TUSC3: variants seen among roughly 807,000 people sequenced by gnomAD.
TUSC3 encodes dolichyl-diphosphooligosaccharide--protein glycosyltransferase subunit TUSC3.
Under a neutral mutation model 44.8 loss-of-function variants are expected in TUSC3, and 45 were observed. The observed-to-expected ratio is 1.00, with a 90% CI of 0.79 to 1.29. The LOEUF is 1.29. TUSC3 is among the 50% of genes most tolerant of loss of function. The probability of loss-of-function intolerance (pLI) is 0.00; values close to 1 mark genes in which losing one functional copy is unlikely to be tolerated. For synonymous variants in TUSC3, 212 were observed against 152.9 expected (o/e 1.39, Z -2.85); for missense variants, 519 against 437.9 (o/e 1.19, Z -1.65).
chr8:15,478,286 T>G (rs1800609330), intron 1 of TUSC3, among the ~76,000 whole-genome samples: 1 of 152,140 alleles, frequency 6.6e-6, no homozygotes, highest in Non-Finnish European at 1.5e-5. Flanking sequence ...TTTATTCTTT[T>G]TTAAGTTCTG....
intron 9 of TUSC3, among the ~76,000 whole-genome samples, chr8:15,755,161 T>C (rs555875611): frequency 6.6e-6 from 1 of 152,274 alleles, no homozygotes; most frequent in African/African-American, 2.4e-5. Context: ...CTGATTGGAA[T>C]ACCCAGCCTG....
rs1225078848 is a variant in TUSC3 at position 15,757,807 on chromosome 8, T to G, written c.1045T>G (p.Ter349GlyextTer18). 17 of 1,422,610 alleles carry G rather than the reference T, an allele frequency of 1.2e-5. No individual in the cohort carries two copies. Among genetic ancestry groups the G allele is most frequent in the Non-Finnish European group, 1.7e-5 (17 of 1,005,618 alleles). The allele number at this position is 1,422,610 out of a possible 1,614,324, so 88.1% of individuals were successfully genotyped here. A position where few individuals can be genotyped will look rare whatever the true frequency, so the allele number is the denominator to read the frequency against. Residue 349 changes from the stop codon to glycine (G), a stop_lost, in exon 10 of 11, where the codon TGA (stop) becomes GGA (glycine). Coordinates refer to ENST00000503731, the MANE Select transcript of TUSC3 (RefSeq NM_006765.4). ...GYPYSDLDFE[*>G] ...ATTGGAAAGTGATCTGGACTTTGAG[T>G]GAGAAGATGTGATTTGGACCATGGC...
chr8:15,540,131 T>C, upstream of TUSC3: 1 of 373,874 alleles, frequency 2.7e-6, no homozygotes. Context: ...TCCTCAGCGC[T>C]GGTCCGGGAA....
intron 1 of TUSC3, among the ~76,000 whole-genome samples, chr8:15,559,350 G>T (rs113276939): frequency 6.8e-6 from 1 of 147,240 alleles, no homozygotes; most frequent in Non-Finnish European, 1.5e-5. Context: ...TAGTTTGATT[G>T]CACTGTGGTC....
chr8:15,798,678 G>A, the TUSC3 span, among the ~76,000 whole-genome samples: 5 of 151,912 alleles, frequency 3.3e-5, no homozygotes, highest in African/African-American at 1.2e-4. Context: ...TACACCATAA[G>A]AACCCTATAA....
At chr8:15,757,096 C>A (rs1209963680) in intron 9 of TUSC3, among the ~76,000 whole-genome samples, 1 of 152,116 alleles carries the variant, frequency 6.6e-6, no homozygotes, top group Admixed American at 6.5e-5. Context: ...ATGATTGTGC[C>A]ACTGCACTCC....
At chr8:15,708,001 C>A (rs1475299939) in intron 6 of TUSC3, among the ~76,000 whole-genome samples, 1 of 151,870 alleles carries the variant, frequency 6.6e-6, no homozygotes, top group Non-Finnish European at 1.5e-5. Flanking sequence ...TCCCCTTCTT[C>A]TGTGCTTCTC....
At chr8:15,584,282 C>T (rs900026085) in intron 1 of TUSC3, among the ~76,000 whole-genome samples, 4 of 152,056 alleles carry the variant, frequency 2.6e-5, no homozygotes, top group African/African-American at 9.7e-5. Context: ...GCAGGGTGAT[C>T]CAGAAGGATA....
chr8:15,607,678 T>C (rs776816981), intron 1 of TUSC3, among the ~76,000 whole-genome samples: 9 of 152,176 alleles, frequency 5.9e-5, no homozygotes, highest in East Asian at 1.9e-4. Flanking sequence ...CTCCATCTTA[T>C]GTATCAGCAA....
chr8:15,438,061 GGTT>G (rs1406047720), intron 1 of TUSC3, among the ~76,000 whole-genome samples: 3 of 152,144 alleles, frequency 2.0e-5, no homozygotes, highest in Non-Finnish European at 4.4e-5. Context: ...TGTGAAATGA[GGTT>G]GTTGTGTTTT....
chr8:15,746,569 C>T (rs1389122808), intron 8 of TUSC3, among the ~76,000 whole-genome samples: 1 of 151,886 alleles, frequency 6.6e-6, no homozygotes, highest in Non-Finnish European at 1.5e-5. Context: ...CTCTGCCTTC[C>T]CATATACAAG....
intron 2 of TUSC3, among the ~76,000 whole-genome samples, chr8:15,639,020 G>A (rs192192929): frequency 6.1e-5 from 9 of 147,692 alleles, no homozygotes; most frequent in South Asian, 2.1e-4. Flanking sequence ...ATCATGTGTC[G>A]ATGCTAGATC....
At chr8:15,682,631 A>G (rs1298867987) in intron 6 of TUSC3, among the ~76,000 whole-genome samples, 1 of 152,136 alleles carries the variant, frequency 6.6e-6, no homozygotes, top group Non-Finnish European at 1.5e-5. Flanking sequence ...TGGAGCATTT[A>G]GACTGTTTAC....
chr8:15,504,971 T>C (rs577620181), intron 2 of TUSC3, among the ~76,000 whole-genome samples: 37 of 152,176 alleles, frequency 2.4e-4, no homozygotes, highest in African/African-American at 8.7e-4. Flanking sequence ...GTATTTTCTA[T>C]TTCAAATGAG....
chr8:15,613,011 T>G, intron 1 of TUSC3, among the ~76,000 whole-genome samples: 1 of 150,852 alleles, frequency 6.6e-6, no homozygotes, highest in South Asian at 2.1e-4. Context: ...AGCCGTTTAC[T>G]TAAGAGCAGA....
intron 1 of TUSC3, among the ~76,000 whole-genome samples, chr8:15,604,439 T>C (rs978761813): frequency 6.6e-6 from 1 of 151,676 alleles, no homozygotes; most frequent in South Asian, 2.1e-4. Flanking sequence ...TGTTTTATTA[T>C]TATTTGTGCT....
chr8:15,849,585 G>A, the TUSC3 span, among the ~76,000 whole-genome samples: 17,717 of 152,104 alleles, frequency 0.12, 1,112 homozygotes, highest in East Asian at 0.22. Context: ...CTGCAACAAA[G>A]TGTGATTTCA....
the TUSC3 span, among the ~76,000 whole-genome samples, chr8:15,839,772 G>A: frequency 6.6e-6 from 1 of 152,180 alleles, no homozygotes; most frequent in African/African-American, 2.4e-5. Flanking sequence ...CTTTTACACT[G>A]TTGGTAGGAA....
chr8:15,613,354 A>C (rs1804845063), intron 1 of TUSC3, among the ~76,000 whole-genome samples: 2 of 152,218 alleles, frequency 1.3e-5, no homozygotes, highest in East Asian at 3.9e-4. Context: ...TAATTCTTTT[A>C]GCAATGTGAT....
Sources: allele counts gnomAD v4.1 joint callset (sites outside exome capture counted in the v4.1 genomes callset), GRCh38; gene constraint gnomAD v4.1.1; transcripts MANE v1.5; gene names NCBI Gene and HGNC (gene_info 2026-07-23, HGNC 2026-07-21).